MRC1: variants seen among roughly 807,000 people sequenced by gnomAD.
MRC1 encodes the protein macrophage mannose receptor 1.
A neutral mutation model predicts 102.9 loss-of-function variants in MRC1; 62 were observed. The observed-to-expected ratio is 0.60, with a 90% CI of 0.49 to 0.74. The LOEUF (loss-of-function observed/expected upper bound fraction) is 0.74, where lower values mean the gene tolerates loss of function less well. Ranked by LOEUF, MRC1 falls within the 30% of genes least tolerant of loss-of-function variation. The pLI is 0.00. For synonymous variants in MRC1, 457 were observed against 298.4 expected, an observed-to-expected ratio of 1.53 and a Z score of -5.48; for missense variants, 1,237 against 862.8, an observed-to-expected ratio of 1.43 and a Z score of -5.43.
intron 1 of MRC1, among the ~76,000 whole-genome samples, chr10:17,818,506 C>G (rs1838346134): frequency 6.6e-6 from 1 of 152,134 alleles, no homozygotes; most frequent in Non-Finnish European, 1.5e-5. Flanking sequence ...GGATGATCAG[C>G]CTGCTACGAT....
At chr10:17,875,592 A>G (rs1833425471) in intron 17 of MRC1, among the ~76,000 whole-genome samples, 1 of 152,110 alleles carries the variant, frequency 6.6e-6, no homozygotes, top group Non-Finnish European at 1.5e-5. Context: ...AAATGTCATT[A>G]TTTCATTCCT....
chr10:17,812,814 G>A (rs1430914077), intron 1 of MRC1, among the ~76,000 whole-genome samples: 3 of 151,866 alleles, frequency 2.0e-5, no homozygotes, highest in Non-Finnish European at 4.4e-5. Context: ...CTCGTGATCT[G>A]CCCACCTTAG....
At chr10:17,862,363 T>A (rs1437089364) in intron 10 of MRC1, among the ~76,000 whole-genome samples, 4 of 152,182 alleles carry the variant, frequency 2.6e-5, no homozygotes, top group African/African-American at 9.7e-5. Flanking sequence ...AATGCTAACA[T>A]CTGAAACTCA....
chr10:17,906,201 A>T (rs1833892643), intron 26 of MRC1, among the ~76,000 whole-genome samples: 1 of 151,846 alleles, frequency 6.6e-6, no homozygotes, highest in Admixed American at 6.6e-5. Context: ...GGGTTATTGC[A>T]TCATTCAGCT....
chr10:17,828,115 C>A (rs1051034270), intron 3 of MRC1, among the ~76,000 whole-genome samples: 2 of 152,298 alleles, frequency 1.3e-5, no homozygotes, highest in African/African-American at 4.8e-5. Flanking sequence ...CTCGCTGTGT[C>A]TCCCAGGCTG....
intron 18 of MRC1, among the ~76,000 whole-genome samples, chr10:17,879,489 G>T (rs1554842283): frequency 6.6e-6 from 1 of 152,132 alleles, no homozygotes; most frequent in Non-Finnish European, 1.5e-5. Flanking sequence ...GAGTGGCTGG[G>T]ATTACAGGAG....
chr10:17,835,486 G>A (rs1354486699), intron 4 of MRC1, among the ~76,000 whole-genome samples: 2 of 152,242 alleles, frequency 1.3e-5, no homozygotes, highest in East Asian at 3.9e-4. Context: ...AAATGAATAG[G>A]TACCAATTAT....
Position 17,856,471 on chromosome 10 carries a change from A to C in MRC1, c.1518+119A>C, listed in dbSNP as rs1833094839. ...AGTAGCCAAGGGTTTCTGCTGTCTC[A>C]GTCTTCAATAGTTTATTGTTAGTGT... is the stretch of plus-strand genomic sequence containing the variant. On this transcript the variant is annotated intron_variant, in intron 9 of 29. Coordinates refer to ENST00000569591, the MANE Select transcript of MRC1 (RefSeq NM_002438.4). The C allele has an allele frequency of 4.3e-6, 3 of 690,034 alleles. No individual in the cohort carries two copies. In the Admixed American group the frequency reaches 7.2e-5, roughly 16 times the overall value. 42.7% of individuals were successfully genotyped at this position (690,034 alleles called of 1,614,324 possible). A position where few individuals can be genotyped will look rare whatever the true frequency, so the allele number is the denominator to read the frequency against.
intron 10 of MRC1, among the ~76,000 whole-genome samples, chr10:17,861,933 C>T (rs1037179412): frequency 1.3e-5 from 2 of 152,120 alleles, no homozygotes; most frequent in African/African-American, 4.8e-5. Flanking sequence ...CTTTGCTTTG[C>T]TTTGCTATGT....
intron 1 of MRC1, among the ~76,000 whole-genome samples, chr10:17,813,890 G>A (rs1433345966): frequency 6.6e-6 from 1 of 151,520 alleles, no homozygotes; most frequent in Non-Finnish European, 1.5e-5. Context: ...GTAGAGATGG[G>A]GTTTTGCCAT....
chr10:17,881,670 A>ATTTTTT lies in MRC1; in HGVS notation c.2980+507_2980+512dup, dbSNP rs1184943960. 2.0e-3 allele frequency among the ~76,000 whole-genome samples: 209 copies of ATTTTTT among 102,752 alleles called. 3 individuals are homozygous for ATTTTTT. Among genetic ancestry groups the ATTTTTT allele is most frequent in the African/African-American group, 6.9e-3 (168 of 24,194 alleles). 67.4% of individuals were successfully genotyped at this position (102,752 alleles called of 152,430 possible). A position where few individuals can be genotyped will look rare whatever the true frequency, so the allele number is the denominator to read the frequency against. ...AAATATGAACTTTGAACAAATTTTG[A>ATTTTTT]TTTTTTTTTTTTTTTTTTTTTTTGG... On this transcript the variant is annotated intron_variant, in intron 21 of 29. Transcript: ENST00000569591.
At chr10:17,818,119 C>G (rs1249191075) in intron 1 of MRC1, among the ~76,000 whole-genome samples, 2 of 152,154 alleles carry the variant, frequency 1.3e-5, no homozygotes, top group African/African-American at 4.8e-5. Flanking sequence ...TTTTCATTTC[C>G]AAGTACCCTT....
chr10:17,812,718 C>G (rs966305444), intron 1 of MRC1, among the ~76,000 whole-genome samples: 1 of 151,902 alleles, frequency 6.6e-6, no homozygotes, highest in South Asian at 2.1e-4. Context: ...ATTACAGGCA[C>G]CCGCCACCAC....
At chr10:17,864,451 C>T (rs2130665340) in intron 11 of MRC1, among the ~76,000 whole-genome samples, 1 of 151,264 alleles carries the variant, frequency 6.6e-6, no homozygotes, top group Non-Finnish European at 1.5e-5. Context: ...CTTCCATGTG[C>T]TACCATGTTT....
Position 17,885,275 on chromosome 10 carries a change from T to C in MRC1, c.2987T>C (p.Leu996Pro). ...SIQNEKEQAF[L>P]TYHMKDSTFS... is the part of the protein sequence containing the mutation. ...TCATGAAATTTTCTTTCAGCATTTC[T>C]TACCTATCACATGAAGGACTCCACT... The change falls in exon 22 of 30, where the codon CTT becomes CCT. Residue 996 changes from leucine to proline, a missense_variant. Leu to Pro is a moderately conservative substitution (Grantham distance 98). Coordinates refer to ENST00000569591, the MANE Select transcript of MRC1 (RefSeq NM_002438.4). 1.3e-6 allele frequency: 1 copy of C among 780,910 alleles called. No homozygotes were observed. The highest frequency in any genetic ancestry group is 2.4e-5 in the East Asian group (1 of 41,246). 48.4% of individuals were successfully genotyped at this position (780,910 alleles called of 1,614,324 possible).
chr10:17,881,416 G>A (rs1833515915), intron 21 of MRC1, among the ~76,000 whole-genome samples: 1 of 152,154 alleles, frequency 6.6e-6, no homozygotes, highest in Non-Finnish European at 1.5e-5. Context: ...ACCCCATTTT[G>A]TGAGTGGAGA....
chr10:17,854,775 G>C, intron 8 of MRC1: 1 of 197,010 alleles, frequency 5.1e-6, no homozygotes, highest in South Asian at 6.6e-5. Flanking sequence ...TGCAACCTCT[G>C]CCTCGAGAGT....
At chr10:17,813,882 A>G (rs1346122150) in intron 1 of MRC1, among the ~76,000 whole-genome samples, 2 of 151,606 alleles carry the variant, frequency 1.3e-5, no homozygotes, top group African/African-American at 4.9e-5. Flanking sequence ...GTTTTTTTGT[A>G]GAGATGGGGT....
intron 23 of MRC1, among the ~76,000 whole-genome samples, chr10:17,895,853 T>C (rs898169128): frequency 6.6e-6 from 1 of 152,240 alleles, no homozygotes; most frequent in Non-Finnish European, 1.5e-5. Flanking sequence ...GCAGCAGACA[T>C]AGTGCTTCTT....
Sources: gnomAD v4.1 joint callset for allele counts (sites outside exome capture counted in the v4.1 genomes callset) on GRCh38, gnomAD v4.1.1 for gene constraint, MANE v1.5 for transcripts, NCBI Gene and HGNC (gene_info 2026-07-23, HGNC 2026-07-21) for gene names.